Variants in FGGY observed in about 807,000 individuals in gnomAD.
The protein encoded by FGGY is FGGY carbohydrate kinase domain containing.
FGGY carries 72 observed loss-of-function variants against 71.3 expected under a neutral mutation model. That is an observed-to-expected ratio of 1.01 (90% CI 0.84 to 1.23). The LOEUF (loss-of-function observed/expected upper bound fraction) is 1.23. Among genes scored for constraint, FGGY ranks in the 50% most tolerant of loss-of-function variants. FGGY has a pLI of 0.00. For synonymous variants in FGGY, 251 were observed against 250.3 expected (o/e 1.00, Z -0.02); for missense variants, 668 against 682.3 (o/e 0.98, Z 0.23).
At chr1:59,672,060 GTC>G (rs570491386) in intron 13 of FGGY, among the ~76,000 whole-genome samples, 52 of 152,252 alleles carry the variant, frequency 3.4e-4, no homozygotes, top group African/African-American at 1.2e-3. Context: ...AACGTCCCAG[GTC>G]CATAGAGAAG....
chr1:59,490,736 A>G (rs923842858), intron 6 of FGGY, among the ~76,000 whole-genome samples: 1 of 152,074 alleles, frequency 6.6e-6, no homozygotes, highest in African/African-American at 2.4e-5. Context: ...TCTTCTGCAC[A>G]TAGATATCCA....
intron 1 of FGGY, among the ~76,000 whole-genome samples, chr1:59,315,953 C>G (rs376991080): frequency 1.6e-4 from 25 of 152,190 alleles, no homozygotes; most frequent in African/African-American, 5.8e-4. Flanking sequence ...CTGGTCTTTT[C>G]TTCCTATTTA....
intron 11 of FGGY, among the ~76,000 whole-genome samples, chr1:59,639,157 C>CA (rs2096992606): frequency 6.6e-6 from 1 of 152,232 alleles, no homozygotes; most frequent in Non-Finnish European, 1.5e-5. Context: ...TACATTAAGG[C>CA]AGAGTTCAGA....
At chr1:59,637,076 G>A (rs544604578) in intron 10 of FGGY, among the ~76,000 whole-genome samples, 2 of 152,312 alleles carry the variant, frequency 1.3e-5, no homozygotes, top group Non-Finnish European at 2.9e-5. Context: ...AGGTTGACCA[G>A]CTTTCATCTT....
chr1:59,566,763 T>G (rs1217606674), intron 8 of FGGY, among the ~76,000 whole-genome samples: 1 of 152,172 alleles, frequency 6.6e-6, no homozygotes, highest in Non-Finnish European at 1.5e-5. Context: ...GATACTGTCA[T>G]GTATGTTGTA....
chr1:59,732,992 A>G (rs947898667), intron 14 of FGGY, among the ~76,000 whole-genome samples: 1 of 151,938 alleles, frequency 6.6e-6, no homozygotes, highest in Non-Finnish European at 1.5e-5. Context: ...CTCTGCTTCA[A>G]AGGACTTTCT....
chr1:59,537,455 TCAAGCTACCA>T (rs922076640), intron 7 of FGGY, among the ~76,000 whole-genome samples: 209 of 152,270 alleles, frequency 1.4e-3, no homozygotes, highest in African/African-American at 4.7e-3. Flanking sequence ...GCCATCCCCA[TCAAGCTACCA>T]ATGACTTTCT....
At chr1:59,748,423 T>A (rs57330739) in intron 14 of FGGY, among the ~76,000 whole-genome samples, 1 of 152,128 alleles carries the variant, frequency 6.6e-6, no homozygotes, top group South Asian at 2.1e-4. Context: ...CTAAATCATA[T>A]GGAAAAAGCC....
intron 4 of FGGY, among the ~76,000 whole-genome samples, chr1:59,366,042 G>A (rs2056527757): frequency 6.6e-6 from 1 of 152,130 alleles, no homozygotes; most frequent in African/African-American, 2.4e-5. Context: ...ACGTACAGTG[G>A]TGTCACACTC....
chr1:59,717,009 A>C (rs2100495916), intron 14 of FGGY, among the ~76,000 whole-genome samples: 1 of 152,318 alleles, frequency 6.6e-6, no homozygotes. Context: ...AGTGATCATC[A>C]TAACACTTAG....
intron 5 of FGGY, among the ~76,000 whole-genome samples, chr1:59,381,484 A>C (rs1453773816): frequency 3.3e-5 from 5 of 152,052 alleles, no homozygotes; most frequent in Non-Finnish European, 5.9e-5. Flanking sequence ...ACAAACATAC[A>C]CATTATCCAA....
chr1:59,389,820 G>T (rs1165592334), intron 5 of FGGY, among the ~76,000 whole-genome samples: 1 of 152,116 alleles, frequency 6.6e-6, no homozygotes, highest in Non-Finnish European at 1.5e-5. Flanking sequence ...TTTAAGAATT[G>T]ATTTTTTAAA....
At chr1:59,445,882 G>A (rs2071118616) in intron 5 of FGGY, among the ~76,000 whole-genome samples, 1 of 152,152 alleles carries the variant, frequency 6.6e-6, no homozygotes, top group South Asian at 2.1e-4. Flanking sequence ...TAGTTAACAA[G>A]CATGGACTTT....
At chr1:59,382,936 G>A (rs577823805) in intron 5 of FGGY, among the ~76,000 whole-genome samples, 2 of 152,206 alleles carry the variant, frequency 1.3e-5, no homozygotes, top group South Asian at 4.1e-4. Context: ...CCAAGGAGAG[G>A]GCTTTTTGAA....
chr1:59,503,815 C>T (rs2094305707), intron 6 of FGGY, among the ~76,000 whole-genome samples: 1 of 151,658 alleles, frequency 6.6e-6, no homozygotes. Flanking sequence ...GGTTAACTCC[C>T]ATAGCCCTTA....
chr1:59,474,402 C>T (rs1018166865), intron 6 of FGGY, among the ~76,000 whole-genome samples: 4 of 152,178 alleles, frequency 2.6e-5, no homozygotes, highest in African/African-American at 9.7e-5. Context: ...AACTGAGACT[C>T]AGGGATGTGA....
chr1:59,707,315 C>T (rs951971465), intron 14 of FGGY, among the ~76,000 whole-genome samples: 1 of 152,200 alleles, frequency 6.6e-6, no homozygotes, highest in Non-Finnish European at 1.5e-5. Flanking sequence ...GAGCCCAAGT[C>T]TGTCCAACTC....
At chr1:59,618,054 C>G (rs1374283018) in intron 9 of FGGY, among the ~76,000 whole-genome samples, 2 of 152,066 alleles carry the variant, frequency 1.3e-5, no homozygotes, top group Non-Finnish European at 2.9e-5. Flanking sequence ...TTCATTCATT[C>G]ACTCCTTCCA....
intron 14 of FGGY, chr1:59,754,882 G>A (rs1257464938): frequency 2.0e-5 from 3 of 152,240 alleles, no homozygotes; most frequent in African/African-American, 7.2e-5. Context: ...GTTGATCCCA[G>A]GGTAACCTCT....
Sources: allele counts gnomAD v4.1 joint callset (sites outside exome capture counted in the v4.1 genomes callset), GRCh38; gene constraint gnomAD v4.1.1; transcripts MANE v1.5; gene names NCBI Gene and HGNC (gene_info 2026-07-23, HGNC 2026-07-21).